The following ARFGEF3 variants were observed in gnomAD, a reference collection of about 807,000 sequenced individuals.
ARFGEF3 encodes the protein brefeldin A-inhibited guanine nucleotide-exchange protein 3.
ARFGEF3 carries 96 observed loss-of-function variants against 221.7 expected under a neutral mutation model. The ratio of observed to expected loss-of-function variants is 0.43; its 90% CI spans 0.37 to 0.51. The LOEUF is 0.51. ARFGEF3 is among the 20% of genes least tolerant of loss of function. The probability of loss-of-function intolerance (pLI) is 0.00; values close to 1 mark genes in which losing one functional copy is unlikely to be tolerated. For missense variants in ARFGEF3, 2,410 were observed against 2,789.9 expected, an observed-to-expected ratio of 0.86 and a Z score of 3.07; for synonymous variants, 1,145 against 1,126.8, an observed-to-expected ratio of 1.02 and a Z score of -0.32.
chr6:138,184,741 T>C (rs1244060228), intron 2 of ARFGEF3, among the ~76,000 whole-genome samples: 1 of 152,208 alleles, frequency 6.6e-6, no homozygotes, highest in African/African-American at 2.4e-5. Context: ...GTGTTCTGTT[T>C]CCATTTTTAC....
intron 29 of ARFGEF3, among the ~76,000 whole-genome samples, 168 bp from the exon 30 acceptor site, chr6:138,323,503 C>T (rs1297245834): frequency 2.0e-5 from 3 of 151,974 alleles, no homozygotes; most frequent in African/African-American, 7.2e-5. Context: ...CCCAGCTACT[C>T]GGGAGGCTGA....
rs902536859 is a variant in ARFGEF3, at chr6:138,286,906, C to T, written c.2775C>T (p.Ser925=). The change falls in exon 16 of 34, where the codon AGC becomes AGT. Residue 925 remains serine (S), a synonymous_variant. Coordinates refer to ENST00000251691, the MANE Select transcript of ARFGEF3 (RefSeq NM_020340.5). The part of the protein sequence containing the change: ...LDGLRKAARL[S]CALGVAANCA... ...GGCTGCGGAAAGCCGCACGGCTGAG[C>T]TGCGCTCTAGGTACCAGCGGGAGTA... 3.1e-6 allele frequency: 5 copies of T among 1,612,862 alleles called. No individual in the cohort carries two copies. In the African/African-American group the frequency reaches 6.7e-5, roughly 22 times the overall value.
chr6:138,252,846 A>T (rs1778605696), intron 8 of ARFGEF3, among the ~76,000 whole-genome samples: 1 of 152,200 alleles, frequency 6.6e-6, no homozygotes, highest in African/African-American at 2.4e-5. Flanking sequence ...ATTCTTCCTT[A>T]GCCCTATCTG....
chr6:138,291,701 G>A lies in ARFGEF3; in HGVS notation c.3048-32G>A, dbSNP rs1333027334. ...TGGAGCTGCCGGGGTGAGCTGCAGC[G>A]CCTAACAGCTGCTTGTCTGTGCTCT... On this transcript the variant is annotated intron_variant, in intron 18 of 33. Transcript: ENST00000251691. The surrounding 1 kb of genome is among the most constrained non-coding windows in gnomAD (Gnocchi z 4.5). 12 of 1,300,208 alleles carry A rather than the reference G, an allele frequency of 9.2e-6. No individual in the cohort carries two copies. The highest frequency in any genetic ancestry group is 3.1e-5 in the East Asian group (1 of 32,398). The allele number at this position is 1,300,208 out of a possible 1,614,324, so 80.5% of individuals were successfully genotyped here.
chr6:138,180,111 T>A (rs1037091104), intron 2 of ARFGEF3, among the ~76,000 whole-genome samples: 1 of 152,212 alleles, frequency 6.6e-6, no homozygotes, highest in African/African-American at 2.4e-5. Flanking sequence ...CCAATGCCTA[T>A]CAGTTTTTTG....
intron 6 of ARFGEF3, among the ~76,000 whole-genome samples, chr6:138,241,099 G>A (rs1315814077): frequency 6.6e-6 from 1 of 152,172 alleles, no homozygotes; most frequent in African/African-American, 2.4e-5. Flanking sequence ...AAGGCCTCAA[G>A]TATATCCAAA....
chr6:138,217,151 A>AGG (rs1273369817), intron 4 of ARFGEF3: 1 of 152,228 alleles, frequency 6.6e-6, no homozygotes, highest in Non-Finnish European at 1.5e-5. Context: ...TTATCTATTA[A>AGG]TATCTTTTTA....
chr6:138,295,806 G>A (rs1780508267), intron 20 of ARFGEF3, among the ~76,000 whole-genome samples: 1 of 152,212 alleles, frequency 6.6e-6, no homozygotes, highest in African/African-American at 2.4e-5. Flanking sequence ...GATGCCACAA[G>A]TGGAAAGTTC....
chr6:138,188,364 C>T (rs142575218), intron 2 of ARFGEF3, among the ~76,000 whole-genome samples: 57 of 152,232 alleles, frequency 3.7e-4, no homozygotes, highest in African/African-American at 1.3e-3. Context: ...GTCATGCCCT[C>T]GGCTGGGATA....
In ARFGEF3 at chr6:138,322,720, G is replaced by A. The variant is rs370442278; in HGVS notation, c.4767-951G>A. 5.3e-4 allele frequency among the ~76,000 whole-genome samples: 80 copies of A among 151,258 alleles called. 1 individual carries two copies. The highest frequency in any genetic ancestry group is 1.7e-3 in the African/African-American group (68 of 41,162). ...TGAGGCAGGAGAATTGCTTGAACCCGGGAGGCAGAGGTTGCAGTAAGACGA... is the reference window on the plus strand; with the variant it reads ...TGAGGCAGGAGAATTGCTTGAACCCAGGAGGCAGAGGTTGCAGTAAGACGA... On this transcript the variant is annotated intron_variant, in intron 29 of 33. Transcript: ENST00000251691.
At chr6:138,194,670 T>G (rs894442245) in intron 2 of ARFGEF3, among the ~76,000 whole-genome samples, 1 of 152,160 alleles carries the variant, frequency 6.6e-6, no homozygotes, top group African/African-American at 2.4e-5. Context: ...TAACTGTATT[T>G]TAGGATCACA....
At chr6:138,264,142 A>G (rs1778841987) in intron 12 of ARFGEF3, among the ~76,000 whole-genome samples, 1 of 152,144 alleles carries the variant, frequency 6.6e-6, no homozygotes, top group Admixed American at 6.5e-5. Flanking sequence ...AGATCCTTCC[A>G]TCTGTTGAAT....
chr6:138,226,486 C>T (rs1171430953), intron 4 of ARFGEF3, among the ~76,000 whole-genome samples: 2 of 152,124 alleles, frequency 1.3e-5, no homozygotes, highest in Admixed American at 1.3e-4. Context: ...CCCTGTTTTC[C>T]CTATTTTCCT....
chr6:138,317,476 C>A, intron 27 of ARFGEF3, 97 bp downstream of exon 27: 1 of 1,455,988 alleles, frequency 6.9e-7, no homozygotes, highest in East Asian at 2.3e-5. Flanking sequence ...TTCACTGTTT[C>A]CTAGACTTAG....
intron 3 of ARFGEF3, 43 bp downstream of exon 3, chr6:138,207,166 G>C (rs1251026168): frequency 1.3e-6 from 2 of 1,500,734 alleles, no homozygotes; most frequent in African/African-American, 1.4e-5. Context: ...GAAATTGACA[G>C]GCCACTTTGG....
chr6:138,334,651 C>T lies in ARFGEF3; in HGVS notation c.5805C>T (p.Asp1935=), dbSNP rs2114700170. 1 of 1,613,592 alleles carries T rather than the reference C, an allele frequency of 6.2e-7. No individual in the cohort carries two copies. The highest frequency in any genetic ancestry group is 2.2e-5 in the East Asian group (1 of 44,870). Residue 1935 remains aspartate, a synonymous_variant, in exon 33 of 34, where the codon GAC becomes GAT. Coordinates refer to ENST00000251691, the MANE Select transcript of ARFGEF3 (RefSeq NM_020340.5). The surrounding 1 kb of genome is among the most constrained non-coding windows in gnomAD (Gnocchi z 5.1). Reference sequence around the variant, plus strand: ...AGGAGCCTCCCATCTTCAAGGGCGACCCGTTCTTCATCCTGCCCTCCTTCC... The same window carrying T: ...AGGAGCCTCCCATCTTCAAGGGCGATCCGTTCTTCATCCTGCCCTCCTTCC... ...CMEEPPIFKG[D]PFFILPSFQS...
intron 2 of ARFGEF3, among the ~76,000 whole-genome samples, chr6:138,204,529 T>TCTGTGATTG (rs1000395796): frequency 1.3e-5 from 2 of 152,150 alleles, no homozygotes; most frequent in African/African-American, 4.8e-5. Context: ...TTACTAATGG[T>TCTGTGATTG]CTGTGATTGC....
At chr6:138,258,861 A>C (rs1312706947) in intron 10 of ARFGEF3, among the ~76,000 whole-genome samples, 1 of 152,206 alleles carries the variant, frequency 6.6e-6, no homozygotes, top group East Asian at 1.9e-4. Context: ...CACTGCCCAC[A>C]GTAGAGCCAC....
At chr6:138,206,980 T>G (rs2114493465) in intron 2 of ARFGEF3, 62 bp from the exon 3 acceptor site, 1 of 1,360,342 alleles carries the variant, frequency 7.4e-7, no homozygotes, top group Admixed American at 2.0e-5. Context: ...ACATAAGGCT[T>G]ACATCACTTG....
Sources: gnomAD v4.1 joint callset for allele counts (sites outside exome capture counted in the v4.1 genomes callset) on GRCh38, gnomAD v4.1.1 for gene constraint, Gnocchi (gnomAD v3.1) non-coding constraint, MANE v1.5 for transcripts, NCBI Gene and HGNC (gene_info 2026-07-23, HGNC 2026-07-21) for gene names.